NR3C1: variants seen among roughly 807,000 people sequenced by gnomAD.
NR3C1 encodes the protein nuclear receptor subfamily 3 group C member 1.
NR3C1 carries 14 observed loss-of-function variants against 74.0 expected under a neutral mutation model. That is an observed-to-expected ratio of 0.19 (90% CI 0.12 to 0.30). The LOEUF is 0.30. Among genes scored for constraint, NR3C1 ranks in the 10% least tolerant of loss-of-function variants. The probability of loss-of-function intolerance (pLI) is 1.00; values close to 1 mark genes in which losing one functional copy is unlikely to be tolerated. For missense variants in NR3C1, 695 were observed against 909.8 expected, an observed-to-expected ratio of 0.76 and a Z score of 3.04; for synonymous variants, 308 against 332.5, an observed-to-expected ratio of 0.93 and a Z score of 0.80.
intron 4 of NR3C1, among the ~76,000 whole-genome samples, chr5:143,305,995 T>C (rs1453633536): frequency 6.6e-6 from 1 of 152,220 alleles, no homozygotes; most frequent in African/African-American, 2.4e-5. Flanking sequence ...CTAAGCTTCA[T>C]TTGACTGTTT....
rs771543340 is a variant in NR3C1 at position 143,399,719 on chromosome 5, T to C, written c.1121A>G (p.Asn374Ser). 3.1e-6 allele frequency: 5 copies of C among 1,614,196 alleles called. No individual in the cohort carries two copies. The highest frequency in any genetic ancestry group is 2.2e-5 in the East Asian group (1 of 44,886). The change falls in exon 2 of 9, where the codon AAC becomes AGC. Residue 374 changes from asparagine (N) to serine (S), a missense_variant. Physicochemically the swap from Asn to Ser is conservative, Grantham distance 46 (BLOSUM62 1). Transcript: ENST00000394464. Reference sequence around the variant, plus strand: ...GTTCAGAGTCCCCAGAGAAGTCAAGTTGTCATCTCCAGATCCTTGGCACCT... The same window carrying C: ...GTTCAGAGTCCCCAGAGAAGTCAAGCTGTCATCTCCAGATCCTTGGCACCT... ...WNRCQGSGDDNLTSLGTLNFP... is the reference protein window; with the variant it reads ...WNRCQGSGDDSLTSLGTLNFP...
intron 2 of NR3C1, among the ~76,000 whole-genome samples, chr5:143,345,814 T>TA (rs1829180634): frequency 6.6e-6 from 1 of 152,234 alleles, no homozygotes. Flanking sequence ...GTTAATATTA[T>TA]AAGTGTTTTG....
At chr5:143,395,619 AC>A (rs886480054) in intron 2 of NR3C1, among the ~76,000 whole-genome samples, 5 of 151,860 alleles carry the variant, frequency 3.3e-5, no homozygotes, top group African/African-American at 9.7e-5. Flanking sequence ...CCACCTAAGT[AC>A]TAGTACACAA....
intron 5 of NR3C1, among the ~76,000 whole-genome samples, 193 bp from the exon 6 acceptor site, chr5:143,299,005 GTTTTTTT>G (rs35039262): frequency 1.3e-4 from 14 of 106,732 alleles, no homozygotes; most frequent in Admixed American, 3.1e-4. Flanking sequence ...ACCCTCTTGT[GTTTTTTT>G]TTTTTTTTTT....
chr5:143,310,075 T>C, intron 4 of NR3C1, 22 bp downstream of exon 4: 1 of 1,525,200 alleles, frequency 6.6e-7, no homozygotes, highest in Non-Finnish European at 9.1e-7. Flanking sequence ...GACAAACAAT[T>C]GCTTTCAGAT....
At chr5:143,400,935 C>A in intron 1 of NR3C1, 83 bp from the exon 2 acceptor site, 1 of 1,046,914 alleles carries the variant, frequency 9.6e-7, no homozygotes, top group Non-Finnish European at 1.4e-6. Flanking sequence ...TAGTAAGAGG[C>A]AGCTTGTTAA....
chr5:143,400,676 T>A lies in NR3C1; in HGVS notation c.164A>T (p.Asp55Val). 4 of 1,613,916 alleles carry A rather than the reference T, an allele frequency of 2.5e-6. No homozygotes were observed. The highest frequency in any genetic ancestry group is 3.4e-6 in the Non-Finnish European group (4 of 1,179,854). The change falls in exon 2 of 9, where the codon GAC (aspartate) becomes GTC (valine). Residue 55 changes from aspartate (D) to valine (V), a missense_variant. This residue lies in a region of NR3C1 where 497 missense variants were observed against 489.5 expected (regional missense o/e 1.02). Coordinates refer to ENST00000394464, the MANE Select transcript of NR3C1 (RefSeq NM_000176.3). ...SPSLAVASQS[D>V]SKQRRLLVDF... The stretch of plus-strand genomic sequence containing the variant: ...AACCAAAAGTCTTCGCTGCTTGGAG[T>A]CTGATTGAGAAGCGACAGCCAGTGA...
intron 7 of NR3C1, chr5:143,294,394 CTT>C: frequency 1.2e-6 from 1 of 852,338 alleles, no homozygotes; most frequent in Non-Finnish European, 1.4e-6. Flanking sequence ...GTTCATAGAG[CTT>C]TTTTTAAAAA....
At chr5:143,349,925 G>C (rs973033973) in intron 2 of NR3C1, among the ~76,000 whole-genome samples, 2 of 152,116 alleles carry the variant, frequency 1.3e-5, no homozygotes, top group African/African-American at 4.8e-5. Context: ...ATCAAGAATG[G>C]GCCTGCATGA....
intron 6 of NR3C1, 141 bp downstream of exon 6, chr5:143,298,527 C>CT: frequency 2.4e-6 from 2 of 848,658 alleles, no homozygotes. Context: ...ACTCATAACT[C>CT]TATTTCCAGT....
chr5:143,402,758 C>G, intron 1 of NR3C1: 1 of 985,382 alleles, frequency 1.0e-6, no homozygotes, highest in Non-Finnish European at 1.2e-6. Flanking sequence ...CCCCGGAGCC[C>G]GGGCTCGCGC....
chr5:143,294,892 A>G, intron 7 of NR3C1: 1 of 979,212 alleles, frequency 1.0e-6, no homozygotes, highest in South Asian at 4.7e-5. Flanking sequence ...CTACTGAAGG[A>G]CATCTTTGTC....
chr5:143,384,997 T>C (rs1352161325), intron 2 of NR3C1, among the ~76,000 whole-genome samples: 1 of 152,234 alleles, frequency 6.6e-6, no homozygotes, highest in Non-Finnish European at 1.5e-5. Flanking sequence ...CCATACATCC[T>C]GAAATCAAGG....
chr5:143,403,752 GGGCCGCGCGGC>G, upstream of NR3C1: 1 of 984,766 alleles, frequency 1.0e-6, no homozygotes, highest in Non-Finnish European at 1.2e-6. Flanking sequence ...CCCGCCCGAG[GGGCCGCGCGGC>G]GGCCGCGGGG....
intron 2 of NR3C1, among the ~76,000 whole-genome samples, chr5:143,390,873 G>A (rs1465709190): frequency 6.6e-6 from 1 of 152,042 alleles, no homozygotes; most frequent in Non-Finnish European, 1.5e-5. Flanking sequence ...TAAAGCTAAG[G>A]GATAAATACA....
At chr5:143,376,986 T>A (rs147521308) in intron 2 of NR3C1, among the ~76,000 whole-genome samples, 1 of 152,268 alleles carries the variant, frequency 6.6e-6, no homozygotes, top group African/African-American at 2.4e-5. Flanking sequence ...CCTGTGTATG[T>A]GAAGTAGGTG....
intron 4 of NR3C1, among the ~76,000 whole-genome samples, chr5:143,309,570 G>A (rs925162222): frequency 2.6e-5 from 4 of 151,864 alleles, no homozygotes; most frequent in South Asian, 2.1e-4. Context: ...CACTGCACCC[G>A]GCCCAGGTTT....
chr5:143,421,595 C>T (rs932761601), intron 1 of NR3C1, among the ~76,000 whole-genome samples: 1 of 151,986 alleles, frequency 6.6e-6, no homozygotes, highest in Non-Finnish European at 1.5e-5. Context: ...CTGAGGTGGG[C>T]ACATCACTTG....
At chr5:143,376,276 A>C (rs1019185841) in intron 2 of NR3C1, among the ~76,000 whole-genome samples, 1 of 152,256 alleles carries the variant, frequency 6.6e-6, no homozygotes. Flanking sequence ...TCACAAATGC[A>C]GTTGGAACCA....
Sources: gnomAD v4.1 joint callset for allele counts (sites outside exome capture counted in the v4.1 genomes callset) on GRCh38, gnomAD v4.1.1 for gene constraint, gnomAD v4.1.1 regional missense constraint, MANE v1.5 for transcripts, NCBI Gene and HGNC (gene_info 2026-07-23, HGNC 2026-07-21) for gene names.